The following CASP14 variants were observed in gnomAD, a reference collection of about 807,000 sequenced individuals.
CASP14 encodes caspase 14, also known as caspase-14.
In CASP14, 27 loss-of-function variants were observed where a neutral mutation model predicts 28.4. That is an observed-to-expected ratio of 0.95 (90% CI 0.70 to 1.31). The LOEUF (loss-of-function observed/expected upper bound fraction) is 1.31. Among genes scored for constraint, CASP14 ranks in the 50% most tolerant of loss-of-function variants. CASP14 has a pLI of 0.00. For missense variants in CASP14, 323 were observed against 312.8 expected (o/e 1.03, Z -0.25); for synonymous variants, 115 against 118.6 (o/e 0.97, Z 0.20).
rs2145284776 is a variant in CASP14 at position 15,056,512 on chromosome 19, G to C, written c.*423G>C. ...TGCTGGCTCCTGCATCTCACTTGGA[G>C]GTCAAACCTCCTCCTGAGGCCAATG... is the stretch of plus-strand genomic sequence containing the variant. On this transcript the variant is annotated 3_prime_UTR_variant, in exon 7 of 7. Coordinates refer to ENST00000427043, the MANE Select transcript of CASP14 (RefSeq NM_012114.3). 1 of 173,402 alleles carries C rather than the reference G, an allele frequency of 5.8e-6. No homozygotes were observed. Among genetic ancestry groups the C allele is most frequent in the African/African-American group, 2.4e-5 (1 of 42,358 alleles). The allele number at this position is 173,402 out of a possible 1,614,324, so 10.7% of individuals were successfully genotyped here. A position where few individuals can be genotyped will look rare whatever the true frequency, so the allele number is the denominator to read the frequency against.
chr19:15,056,110 G>A lies in CASP14; in HGVS notation c.*21G>A. The A allele has an allele frequency of 6.6e-7, 1 of 1,526,202 alleles. No individual in the cohort carries two copies. The highest frequency in any genetic ancestry group is 1.2e-5 in the South Asian group (1 of 84,622). 94.5% of individuals were successfully genotyped at this position (1,526,202 alleles called of 1,614,324 possible). A position where few individuals can be genotyped will look rare whatever the true frequency, so the allele number is the denominator to read the frequency against. ...AGTAGAAGTAGAAAGACCAGGAGGA[G>A]CTTTCCTTCCAGCATTCTTTCTGTC... On this transcript the variant is annotated 3_prime_UTR_variant, in exon 7 of 7. Transcript: ENST00000427043.
chr19:15,054,695 C>T lies in CASP14; in HGVS notation c.404-463C>T, dbSNP rs141267415. ...TTGCTCTGTCACCCAGGCTGGAGTG[C>T]GATGGCACAATCTTGGCTCACTGCA... On this transcript the variant is annotated intron_variant, in intron 4 of 6. Coordinates refer to ENST00000427043, the MANE Select transcript of CASP14 (RefSeq NM_012114.3). Among the ~76,000 whole-genome samples, 307 of 148,710 alleles carry T rather than the reference C, an allele frequency of 2.1e-3. 1 individual carries two copies. The highest frequency in any genetic ancestry group is 7.3e-3 in the African/African-American group (294 of 40,006).
chr19:15,053,453 T>A, intron 2 of CASP14, 29 bp from the exon 3 acceptor site: 2 of 1,613,876 alleles, frequency 1.2e-6, no homozygotes, highest in Non-Finnish European at 1.7e-6. Context: ...AACCTCTCCA[T>A]GCTGATTTCT....
At chr19:15,055,382 T>C (rs1294347305) in intron 5 of CASP14, 48 bp from the exon 6 acceptor site, 1 of 1,583,080 alleles carries the variant, frequency 6.3e-7, no homozygotes, top group Non-Finnish European at 8.7e-7. Flanking sequence ...GGATCCCCTC[T>C]ACCTACCCTC....
intron 5 of CASP14, 40 bp from the exon 6 acceptor site, chr19:15,055,390 C>T (rs991628819): frequency 6.3e-7 from 1 of 1,594,762 alleles, no homozygotes. Context: ...TCTACCTACC[C>T]TCTGAAGCTC....
chr19:15,053,744 A>T lies in CASP14; in HGVS notation c.189A>T (p.Glu63Asp). 6.2e-7 allele frequency: 1 copy of T among 1,613,536 alleles called. No individual in the cohort carries two copies. The highest frequency in any genetic ancestry group is 8.5e-7 in the Non-Finnish European group (1 of 1,179,504). The change falls in exon 4 of 7, where the codon GAA becomes GAT. Residue 63 changes from glutamate (E) to aspartate (D), a missense_variant. Coordinates refer to ENST00000427043, the MANE Select transcript of CASP14 (RefSeq NM_012114.3). ...KRDPTAEQFQ[E>D]ELEKFQQAID... Reference sequence around the variant, plus strand: ...TCCTCTCACTCCAGCAATTCCAGGAAGAGCTGGAAAAATTCCAGCAGGCCA... The same window carrying T: ...TCCTCTCACTCCAGCAATTCCAGGATGAGCTGGAAAAATTCCAGCAGGCCA...
At chr19:15,050,627 A>C (rs1042878374) in intron 1 of CASP14, among the ~76,000 whole-genome samples, 1 of 151,914 alleles carries the variant, frequency 6.6e-6, no homozygotes, top group Admixed American at 6.6e-5. Context: ...GTTGGAAGAT[A>C]GAATAGATGG....
intron 4 of CASP14, among the ~76,000 whole-genome samples, chr19:15,054,208 A>G (rs1334378752): frequency 6.6e-6 from 1 of 151,860 alleles, no homozygotes; most frequent in East Asian, 1.9e-4. Flanking sequence ...TCCTGAGCTC[A>G]AGCAATCCTC....
In CASP14 at chr19:15,055,529, C is replaced by T; in HGVS notation, c.620C>T (p.Thr207Ile). The T allele has an allele frequency of 6.2e-7, 1 of 1,612,854 alleles. No individual in the cohort carries two copies. Among genetic ancestry groups the T allele is most frequent in the Non-Finnish European group, 8.5e-7 (1 of 1,178,878 alleles). Residue 207 changes from threonine (T) to isoleucine (I), a missense_variant, in exon 6 of 7, where the codon ACA becomes ATA. Transcript: ENST00000427043. ...KRKGHILELL[T>I]EVTRRMAEAE... Reference sequence around the variant, plus strand: ...AAAGGACATATCTTGGAACTTCTGACAGAGGTGAGTTGACAAAAGGTAGCT... The same window carrying T: ...AAAGGACATATCTTGGAACTTCTGATAGAGGTGAGTTGACAAAAGGTAGCT...
chr19:15,052,146 T>C, intron 1 of CASP14, 60 bp from the exon 2 acceptor site: 1 of 1,279,238 alleles, frequency 7.8e-7, no homozygotes. Flanking sequence ...AGCCAGTTTG[T>C]CCCCTGAGCC....
chr19:15,053,698 G>A (rs2046102018), intron 3 of CASP14, 35 bp from the exon 4 acceptor site: 1 of 1,613,090 alleles, frequency 6.2e-7, no homozygotes, highest in South Asian at 1.1e-5. Context: ...AGGCTATGGG[G>A]ACCCAGCTGA....
In CASP14 at chr19:15,053,408, T is replaced by G. The variant is rs1448795633; in HGVS notation, c.28-74T>G. 24 of 1,581,430 alleles carry G rather than the reference T, an allele frequency of 1.5e-5. No homozygotes were observed. In the East Asian group the frequency reaches 4.5e-4, roughly 30 times the overall value. The stretch of plus-strand genomic sequence containing the variant: ...CAGGCATGAGCCACCACACCCAGCC[T>G]GCATGCCTCTTTTGACTACATCTGC... On this transcript the variant is annotated intron_variant, in intron 2 of 6. Coordinates refer to ENST00000427043, the MANE Select transcript of CASP14 (RefSeq NM_012114.3).
chr19:15,054,569 C>A (rs1600069072), intron 4 of CASP14, among the ~76,000 whole-genome samples: 1 of 151,888 alleles, frequency 6.6e-6, no homozygotes, highest in African/African-American at 2.4e-5. Flanking sequence ...GGCAACAAAG[C>A]AAGCCCCTGT....
intron 4 of CASP14, 200 bp from the exon 5 acceptor site, chr19:15,054,958 G>A (rs1249504241): frequency 5.5e-6 from 3 of 545,684 alleles, no homozygotes; most frequent in East Asian, 3.0e-5. Context: ...TTCTTTTTAA[G>A]AGGCGACATC....
chr19:15,052,112 T>G, intron 1 of CASP14, 94 bp from the exon 2 acceptor site: 1 of 814,230 alleles, frequency 1.2e-6, no homozygotes, highest in Non-Finnish European at 1.9e-6. Flanking sequence ...GAGTGCTATT[T>G]GGTCTCAAAA....
Position 15,055,538 on chromosome 19 carries a change from G to A in CASP14, c.624+5G>A. 6.2e-7 allele frequency: 1 copy of A among 1,610,520 alleles called. No homozygotes were observed. The highest frequency in any genetic ancestry group is 1.1e-5 in the South Asian group (1 of 90,990). On this transcript the variant is annotated splice_donor_5th_base_variant and intron_variant, in intron 6 of 6. Transcript: ENST00000427043. Reference sequence around the variant, plus strand: ...ATCTTGGAACTTCTGACAGAGGTGAGTTGACAAAAGGTAGCTGGGACCACC... The same window carrying A: ...ATCTTGGAACTTCTGACAGAGGTGAATTGACAAAAGGTAGCTGGGACCACC...
At chr19:15,049,983 T>C (rs2046082208) in intron 1 of CASP14, among the ~76,000 whole-genome samples, 1 of 151,646 alleles carries the variant, frequency 6.6e-6, no homozygotes, top group Non-Finnish European at 1.5e-5. Context: ...GCCATGAGAG[T>C]AAGAATCAAA....
chr19:15,054,161 A>T (rs1243947423), intron 4 of CASP14, among the ~76,000 whole-genome samples: 1 of 151,862 alleles, frequency 6.6e-6, no homozygotes, highest in East Asian at 1.9e-4. Flanking sequence ...ATTTTTGTAG[A>T]CAGGGTCTGA....
In CASP14 at chr19:15,055,255, C is replaced by T. The variant is rs78345508; in HGVS notation, c.501C>T (p.His167=). Residue 167 remains histidine (H), a synonymous_variant, in exon 5 of 7, where the codon CAC becomes CAT. Transcript: ENST00000427043. ...TCCCAACATACACAGATGCCTTGCA[C>T]GTTTATTCCACGGTAGAGGGTATGA... is the stretch of plus-strand genomic sequence containing the variant. ...QTIPTYTDAL[H]VYSTVEGYIA... 500 of 1,613,858 alleles carry T rather than the reference C, an allele frequency of 3.1e-4. 1 individual carries two copies. The African/African-American group carries it at 5.8e-3, about 19-fold the overall frequency.
Sources: gnomAD v4.1 joint callset for allele counts (sites outside exome capture counted in the v4.1 genomes callset) on GRCh38, gnomAD v4.1.1 for gene constraint, MANE v1.5 for transcripts, NCBI Gene and HGNC (gene_info 2026-07-23, HGNC 2026-07-21) for gene names.